The following LTA4H variants were observed in gnomAD, a reference collection of about 807,000 sequenced individuals.
The protein encoded by LTA4H is leukotriene A4 hydrolase, also known as leukotriene A-4 hydrolase.
In LTA4H, 59 loss-of-function variants were observed where a neutral mutation model predicts 89.8. The observed-to-expected ratio is 0.66, with a 90% CI of 0.53 to 0.82. LTA4H has a LOEUF of 0.82. LTA4H is among the 40% of genes least tolerant of loss of function. LTA4H has a pLI of 0.00. For synonymous variants in LTA4H, 227 were observed against 253.1 expected, an observed-to-expected ratio of 0.90 and a Z score of 0.98; for missense variants, 617 against 727.0, an observed-to-expected ratio of 0.85 and a Z score of 1.74.
chr12:96,004,003 G>T, intron 16 of LTA4H, 83 bp from the exon 17 acceptor site: 1 of 628,112 alleles, frequency 1.6e-6, no homozygotes, highest in Non-Finnish European at 2.7e-6. Context: ...TGCATAGCCA[G>T]ATTAAAATCC....
Position 96,021,160 on chromosome 12 carries a change from C to T in LTA4H, c.586-23G>A, listed in dbSNP as rs767489650. 5 of 1,570,006 alleles carry T rather than the reference C, an allele frequency of 3.2e-6. No individual in the cohort carries two copies. The African/African-American group carries it at 5.5e-5, about 17-fold the overall frequency. On this transcript the variant is annotated intron_variant, in intron 5 of 18. Coordinates refer to ENST00000228740, the MANE Select transcript of LTA4H (RefSeq NM_000895.3). The stretch of plus-strand genomic sequence containing the variant: ...AACCTAAAGAGGGCAAACAAACGCA[C>T]ACCACGTGCTTGCATTAGTGTTCAC...
intron 11 of LTA4H, 38 bp from the exon 12 acceptor site, chr12:96,015,037 A>G (rs535823581): frequency 6.3e-7 from 1 of 1,593,266 alleles, no homozygotes; most frequent in African/African-American, 1.3e-5. Flanking sequence ...ACATATAGAA[A>G]GACTGCTATC....
intron 1 of LTA4H, among the ~76,000 whole-genome samples, chr12:96,032,735 G>C (rs904091673): frequency 6.6e-6 from 1 of 152,168 alleles, no homozygotes; most frequent in South Asian, 2.1e-4. Flanking sequence ...TTGCTAAACA[G>C]ACATGCCAAC....
At chr12:96,007,509 G>A (rs947797208) in intron 15 of LTA4H, among the ~76,000 whole-genome samples, 23 of 152,146 alleles carry the variant, frequency 1.5e-4, no homozygotes, top group Non-Finnish European at 2.9e-4. Context: ...TATGCTAGTG[G>A]TGGGTCACAC....
intron 3 of LTA4H, among the ~76,000 whole-genome samples, chr12:96,024,948 G>A (rs944732609): frequency 1.3e-5 from 2 of 152,272 alleles, no homozygotes; most frequent in Middle Eastern, 3.4e-3. Flanking sequence ...GATTACAGGC[G>A]TGAGCCACCA....
chr12:96,008,408 GCAC>G (rs1340155895), intron 15 of LTA4H, among the ~76,000 whole-genome samples: 1 of 152,094 alleles, frequency 6.6e-6, no homozygotes, highest in Admixed American at 6.5e-5. Context: ...TCGATTCTTT[GCAC>G]CACTAATAGT....
rs554971469 is a variant in LTA4H, at chr12:96,027,619, T to A, written c.291-55A>T. 3 of 1,134,820 alleles carry A rather than the reference T, an allele frequency of 2.6e-6. No individual in the cohort carries two copies. In the Admixed American group the frequency reaches 6.3e-5, roughly 24 times the overall value. The allele number at this position is 1,134,820 out of a possible 1,614,324, so 70.3% of individuals were successfully genotyped here. On this transcript the variant is annotated intron_variant, in intron 2 of 18. Coordinates refer to ENST00000228740, the MANE Select transcript of LTA4H (RefSeq NM_000895.3). ...AGTATGATTCCATCTAGTGAAAATTTAAACTCATAATACATACACTGAATA... is the reference window on the plus strand; with the variant it reads ...AGTATGATTCCATCTAGTGAAAATTAAAACTCATAATACATACACTGAATA...
In LTA4H at chr12:96,013,265, A is replaced by G; in HGVS notation, c.1309-7T>C. On this transcript the variant is annotated splice_polypyrimidine_tract_variant and splice_region_variant and intron_variant, in intron 13 of 18. Coordinates refer to ENST00000228740, the MANE Select transcript of LTA4H (RefSeq NM_000895.3). ...CTTGATTGAGAACATCAACCTATGA[A>G]TAGTAAGAATTCACAGTTTACAATA... 6.2e-7 allele frequency: 1 copy of G among 1,603,570 alleles called. No homozygotes were observed. The highest frequency in any genetic ancestry group is 1.1e-5 in the South Asian group (1 of 90,872).
chr12:96,040,968 A>G (rs7971150), intron 1 of LTA4H, among the ~76,000 whole-genome samples: 91,307 of 152,050 alleles, frequency 0.6, 27,821 homozygotes, highest in African/African-American at 0.69. Flanking sequence ...TAATGTAATC[A>G]TCTCACTCCC....
intron 15 of LTA4H, 151 bp from the exon 16 acceptor site, chr12:96,006,560 T>A: frequency 1.9e-6 from 1 of 525,922 alleles, no homozygotes; most frequent in Non-Finnish European, 3.4e-6. Flanking sequence ...ACTTAAATAA[T>A]CCTGAGATTG....
intron 1 of LTA4H, among the ~76,000 whole-genome samples, chr12:96,029,547 T>C (rs1292248549): frequency 2.6e-5 from 4 of 152,216 alleles, no homozygotes; most frequent in Non-Finnish European, 5.9e-5. Flanking sequence ...GGCTCCTCAA[T>C]ACATTACACA....
chr12:96,024,024 G>T (rs1950484148), intron 4 of LTA4H, among the ~76,000 whole-genome samples: 1 of 151,752 alleles, frequency 6.6e-6, no homozygotes, highest in South Asian at 2.1e-4. Flanking sequence ...CTGCCTCCTG[G>T]GTTCATGCCA....
intron 1 of LTA4H, among the ~76,000 whole-genome samples, chr12:96,042,925 A>G (rs1014560174): frequency 1.1e-4 from 17 of 152,280 alleles, no homozygotes; most frequent in African/African-American, 4.1e-4. Context: ...ATATTGGTCC[A>G]CAGCAATGTT....
Sources: allele counts gnomAD v4.1 joint callset (sites outside exome capture counted in the v4.1 genomes callset), GRCh38; gene constraint gnomAD v4.1.1; transcripts MANE v1.5; gene names NCBI Gene and HGNC (gene_info 2026-07-23, HGNC 2026-07-21).